The following SH3GL2 variants were observed in gnomAD, a reference collection of about 807,000 sequenced individuals.
The protein encoded by SH3GL2 is SH3 domain containing GRB2 like 2, endophilin A1, also known as endophilin-A1.
In SH3GL2, 24 loss-of-function variants were observed where a neutral mutation model predicts 46.0. That is an observed-to-expected ratio of 0.52 (90% CI 0.38 to 0.73). The LOEUF is 0.73. Among genes scored for constraint, SH3GL2 ranks in the 30% least tolerant of loss-of-function variants. The pLI, the probability that SH3GL2 is intolerant of heterozygous loss-of-function variation, is 0.00. For missense variants in SH3GL2, 413 were observed against 424.2 expected (o/e 0.97, Z 0.23); for synonymous variants, 196 against 147.1 (o/e 1.33, Z -2.40).
At chr9:17,635,028 G>C (rs1819510824) in intron 1 of SH3GL2, among the ~76,000 whole-genome samples, 1 of 152,178 alleles carries the variant, frequency 6.6e-6, no homozygotes, top group South Asian at 2.1e-4. Context: ...GTGCAGGTTT[G>C]TTATGTAGGT....
intron 1 of SH3GL2, among the ~76,000 whole-genome samples, chr9:17,663,057 G>A (rs1820262696): frequency 6.6e-6 from 1 of 152,174 alleles, no homozygotes; most frequent in Non-Finnish European, 1.5e-5. Context: ...AGTGGAAAAG[G>A]AAGGACATTA....
At chr9:17,635,130 C>G (rs1388571868) in intron 1 of SH3GL2, among the ~76,000 whole-genome samples, 1 of 152,098 alleles carries the variant, frequency 6.6e-6, no homozygotes, top group Non-Finnish European at 1.5e-5. Context: ...GGATCTTCTC[C>G]CTGCCCACAC....
At chr9:17,787,962 A>G (rs943849994) in intron 5 of SH3GL2, among the ~76,000 whole-genome samples, 1 of 152,100 alleles carries the variant, frequency 6.6e-6, no homozygotes, top group Admixed American at 6.6e-5. Flanking sequence ...GATGGATGTT[A>G]TGTGTTTTTA....
chr9:17,579,187 G>A lies in SH3GL2; in HGVS notation c.-56G>A. 7.3e-7 allele frequency: 1 copy of A among 1,373,662 alleles called. No homozygotes were observed. Among genetic ancestry groups the A allele is most frequent in the East Asian group, 3.0e-5 (1 of 33,276 alleles). The allele number at this position is 1,373,662 out of a possible 1,614,324, so 85.1% of individuals were successfully genotyped here. ...GCGCGCCGCCCCGCTCGGCCCTCCAGTCCCCCTCCGCCTCCTCCCTCCCGC... is the reference window on the plus strand; with the variant it reads ...GCGCGCCGCCCCGCTCGGCCCTCCAATCCCCCTCCGCCTCCTCCCTCCCGC... On this transcript the variant is annotated 5_prime_UTR_variant, in exon 1 of 9. Coordinates refer to ENST00000380607, the MANE Select transcript of SH3GL2 (RefSeq NM_003026.5).
chr9:17,794,830 C>T (rs1824233469), intron 8 of SH3GL2, among the ~76,000 whole-genome samples: 1 of 152,160 alleles, frequency 6.6e-6, no homozygotes, highest in Non-Finnish European at 1.5e-5. Flanking sequence ...AACAGTTTAC[C>T]TTACCAAGTA....
intron 1 of SH3GL2, among the ~76,000 whole-genome samples, chr9:17,687,224 TC>T (rs1360395197): frequency 1.3e-5 from 2 of 152,164 alleles, no homozygotes; most frequent in Admixed American, 6.6e-5. Context: ...TGAGTTTTTT[TC>T]AATCCAATTT....
At chr9:17,690,009 A>G (rs1002819286) in intron 1 of SH3GL2, among the ~76,000 whole-genome samples, 3 of 152,058 alleles carry the variant, frequency 2.0e-5, no homozygotes, top group Non-Finnish European at 4.4e-5. Flanking sequence ...AGAATTCTCA[A>G]ATTGTGCCCC....
chr9:17,650,944 C>A (rs1819940547), intron 1 of SH3GL2, among the ~76,000 whole-genome samples: 1 of 152,044 alleles, frequency 6.6e-6, no homozygotes. Flanking sequence ...ATTCTGGCAC[C>A]ATTTCATACT....
intron 2 of SH3GL2, among the ~76,000 whole-genome samples, chr9:17,752,557 G>C (rs1160809797): frequency 6.6e-6 from 1 of 152,016 alleles, no homozygotes. Flanking sequence ...GAGTGTAGTA[G>C]CTCAGTCATA....
chr9:17,757,319 T>C (rs1823024720), intron 2 of SH3GL2, among the ~76,000 whole-genome samples: 1 of 152,142 alleles, frequency 6.6e-6, no homozygotes, highest in Admixed American at 6.5e-5. Flanking sequence ...GGGATCTAAT[T>C]AAACTAAAGA....
intron 1 of SH3GL2, among the ~76,000 whole-genome samples, chr9:17,713,403 A>AT (rs1054473843): frequency 3.3e-5 from 5 of 150,510 alleles, no homozygotes; most frequent in African/African-American, 1.2e-4. Context: ...TATTTCACTG[A>AT]TTTTTTGGCT....
intron 1 of SH3GL2, among the ~76,000 whole-genome samples, chr9:17,657,136 C>G (rs1473238647): frequency 6.6e-6 from 1 of 152,192 alleles, no homozygotes; most frequent in Non-Finnish European, 1.5e-5. Flanking sequence ...CTCATACACA[C>G]TGAATTACTT....
intron 1 of SH3GL2, among the ~76,000 whole-genome samples, chr9:17,660,880 G>C (rs937165326): frequency 1.6e-4 from 25 of 152,282 alleles, no homozygotes; most frequent in African/African-American, 6.0e-4. Context: ...TTAATGTTCA[G>C]GCTGGGCACA....
chr9:17,791,492 C>A (rs1465417732), intron 7 of SH3GL2, among the ~76,000 whole-genome samples, 158 bp downstream of exon 7: 1 of 152,092 alleles, frequency 6.6e-6, no homozygotes, highest in Non-Finnish European at 1.5e-5. Flanking sequence ...TTTGTTTTTT[C>A]TTGTGCTTTG....
intron 1 of SH3GL2, among the ~76,000 whole-genome samples, chr9:17,687,727 C>T (rs745633108): frequency 3.6e-4 from 55 of 151,616 alleles, no homozygotes; most frequent in African/African-American, 1.3e-3. Context: ...CTTTGCCCCC[C>T]GAAAACATTA....
intron 1 of SH3GL2, among the ~76,000 whole-genome samples, chr9:17,619,256 G>A (rs1819076442): frequency 1.3e-5 from 2 of 152,206 alleles, no homozygotes; most frequent in Admixed American, 1.3e-4. Context: ...GGGCTGCTGT[G>A]TGTACATGGA....
rs185426443 is a variant in SH3GL2 at position 17,774,455 on chromosome 9, A to G, written c.188-11926A>G. 2.2e-3 allele frequency among the ~76,000 whole-genome samples: 329 copies of G among 151,808 alleles called. 2 individuals carry two copies. Among genetic ancestry groups the G allele is most frequent in the Non-Finnish European group, 3.4e-3 (228 of 67,918 alleles). ...ATATGACTTGTACCATGTTGAGGTA[A>G]TTTCTTCCTATTCCTAGCTTATTGT... On this transcript the variant is annotated intron_variant, in intron 3 of 8. Coordinates refer to ENST00000380607, the MANE Select transcript of SH3GL2 (RefSeq NM_003026.5).
chr9:17,629,983 C>T (rs541409620), intron 1 of SH3GL2, among the ~76,000 whole-genome samples: 11 of 152,160 alleles, frequency 7.2e-5, no homozygotes, highest in Non-Finnish European at 1.5e-4. Context: ...TGGCACGTTT[C>T]TGGTTAATGT....
chr9:17,641,770 T>G (rs1819688995), intron 1 of SH3GL2, among the ~76,000 whole-genome samples: 1 of 152,204 alleles, frequency 6.6e-6, no homozygotes, highest in African/African-American at 2.4e-5. Context: ...GGATATGAAC[T>G]TATCCTTTTT....
Sources: allele counts gnomAD v4.1 joint callset (sites outside exome capture counted in the v4.1 genomes callset), GRCh38; gene constraint gnomAD v4.1.1; transcripts MANE v1.5; gene names NCBI Gene and HGNC (gene_info 2026-07-23, HGNC 2026-07-21).